EYS: variants seen among roughly 807,000 people sequenced by gnomAD.
The protein encoded by EYS is EGF-like photoreceptor maintenance factor.
Under a neutral mutation model 282.1 loss-of-function variants are expected in EYS, and 250 were observed. The ratio of observed to expected loss-of-function variants is 0.89; its 90% CI spans 0.80 to 0.98. EYS has a LOEUF of 0.98. EYS is among the 50% of genes least tolerant of loss of function. EYS has a pLI of 0.00. For synonymous variants in EYS, 1,355 were observed against 1,282.9 expected, an observed-to-expected ratio of 1.06 and a Z score of -1.20; for missense variants, 4,016 against 3,709.0, an observed-to-expected ratio of 1.08 and a Z score of -2.15.
chr6:64,558,783 G>A (rs939014276), intron 26 of EYS, among the ~76,000 whole-genome samples: 2 of 152,120 alleles, frequency 1.3e-5, no homozygotes, highest in African/African-American at 2.4e-5. Context: ...AAAATTTGCT[G>A]TTAGTATGTT....
In EYS at chr6:64,181,699, A is replaced by G. The variant is rs115668449; in HGVS notation, c.6424+48893T>C. On this transcript the variant is annotated intron_variant, in intron 31 of 42. Coordinates refer to ENST00000503581, the MANE Select transcript of EYS (RefSeq NM_001142800.2). Reference sequence around the variant, plus strand: ...AATGGTAGCATCCCAGTCCACTAAAAAACGTGTTTTTTATCTCAAAAATGC... The same window carrying G: ...AATGGTAGCATCCCAGTCCACTAAAGAACGTGTTTTTTATCTCAAAAATGC... Among the ~76,000 whole-genome samples the G allele has an allele frequency of 4.8e-3, 727 of 152,198 alleles. 3 individuals carry two copies. The highest frequency in any genetic ancestry group is 0.017 in the African/African-American group (701 of 41,554).
At chr6:64,037,226 C>G (rs570730619) in intron 33 of EYS, among the ~76,000 whole-genome samples, 66 of 152,250 alleles carry the variant, frequency 4.3e-4, no homozygotes, top group African/African-American at 1.4e-3. Flanking sequence ...GGGAAGTAGA[C>G]TGTGGAAAAC....
Position 64,318,251 on chromosome 6 carries a change from G to A in EYS, c.6079-11169C>T, listed in dbSNP as rs546902441. Among the ~76,000 whole-genome samples, 8 of 151,930 alleles carry A rather than the reference G, an allele frequency of 5.3e-5. No individual in the cohort carries two copies. In the South Asian group the frequency reaches 1.5e-3, roughly 28 times the overall value. On this transcript the variant is annotated intron_variant, in intron 29 of 42. Transcript: ENST00000503581. ...ACATTTCTAAATATATCTTCAATAT[G>A]TTACCTTTTATTCTACCTCCATATT...
chr6:64,586,819 C>T (rs1191649460), intron 26 of EYS, among the ~76,000 whole-genome samples: 3 of 151,942 alleles, frequency 2.0e-5, no homozygotes, highest in Non-Finnish European at 4.4e-5. Context: ...CTCTATTTTT[C>T]CTATCCATTG....
rs1407959081 is a variant in EYS, at chr6:63,753,872, C to T, written c.8071+8589G>A. ...TATGCAAGTCCACCCTTCCATTCCT[C>T]CTCATGCTTTTCTGAAGTGGTTCTC... On this transcript the variant is annotated intron_variant, in intron 41 of 42. Coordinates refer to ENST00000503581, the MANE Select transcript of EYS (RefSeq NM_001142800.2). Among the ~76,000 whole-genome samples the T allele has an allele frequency of 2.0e-5, 3 of 152,166 alleles. No individual in the cohort carries two copies. The East Asian group carries it at 5.8e-4, about 29-fold the overall frequency.
intron 41 of EYS, chr6:63,745,103 C>T (rs1245784124): frequency 1.2e-5 from 4 of 344,108 alleles, no homozygotes; most frequent in Non-Finnish European, 2.2e-5. Context: ...AATGATAAAG[C>T]CAGCTTTTTC....
chr6:65,332,472 T>C, intron 11 of EYS: 1 of 1,283,802 alleles, frequency 7.8e-7, no homozygotes, highest in Non-Finnish European at 1.1e-6. Flanking sequence ...GCCTAATATT[T>C]AAGTCTATGC....
intron 19 of EYS, among the ~76,000 whole-genome samples, chr6:64,849,879 A>C (rs9342437): frequency 6.6e-6 from 1 of 151,642 alleles, no homozygotes; most frequent in Admixed American, 6.6e-5. Flanking sequence ...AAAGAAAGGT[A>C]TGTGATTAGA....
intron 31 of EYS, among the ~76,000 whole-genome samples, chr6:64,140,186 C>T (rs1774296376): frequency 6.6e-6 from 1 of 152,000 alleles, no homozygotes; most frequent in Non-Finnish European, 1.5e-5. Context: ...CCTGGGGTAA[C>T]CCCCCATCTA....
chr6:65,242,158 T>C (rs1227531937), intron 12 of EYS, among the ~76,000 whole-genome samples: 4 of 152,104 alleles, frequency 2.6e-5, no homozygotes, highest in African/African-American at 4.8e-5. Context: ...TCACGAACTA[T>C]ACACTTTACC....
intron 37 of EYS, among the ~76,000 whole-genome samples, chr6:63,798,987 G>GTGTATATATATATATATA (rs1247104267): frequency 1.2e-5 from 1 of 85,792 alleles, no homozygotes. Flanking sequence ...GTATATGTGT[G>GTGTATATATATATATATA]TATATATATA....
At chr6:63,839,859 C>A (rs1771905831) in intron 36 of EYS, among the ~76,000 whole-genome samples, 1 of 152,170 alleles carries the variant, frequency 6.6e-6, no homozygotes. Flanking sequence ...AGTGTACATC[C>A]TCGCCAGCAT....
At chr6:65,465,966 GTATCAATC>G (rs1217278670) in intron 5 of EYS, among the ~76,000 whole-genome samples, 1 of 135,038 alleles carries the variant, frequency 7.4e-6, no homozygotes, top group East Asian at 2.1e-4. Flanking sequence ...GTAAGACCCT[GTATCAATC>G]AATCAATCAA....
At chr6:64,113,291 A>G (rs1007387555) in intron 31 of EYS, among the ~76,000 whole-genome samples, 14 of 152,178 alleles carry the variant, frequency 9.2e-5, no homozygotes, top group African/African-American at 3.4e-4. Context: ...CTGCAGTACT[A>G]TAACATAGGC....
At chr6:64,094,080 C>G (rs1040215876) in intron 31 of EYS, among the ~76,000 whole-genome samples, 3 of 152,138 alleles carry the variant, frequency 2.0e-5, no homozygotes, top group African/African-American at 4.8e-5. Context: ...TATGTGGAAC[C>G]AGCCTTGCAT....
intron 13 of EYS, among the ~76,000 whole-genome samples, chr6:65,024,883 A>ATGAT (rs1444159704): frequency 1.3e-5 from 2 of 152,190 alleles, no homozygotes; most frequent in African/African-American, 4.8e-5. Context: ...CATCAGTCAA[A>ATGAT]TGATTAGTTT....
intron 28 of EYS, among the ~76,000 whole-genome samples, chr6:64,419,287 T>A (rs1582729254): frequency 6.6e-6 from 1 of 152,104 alleles, no homozygotes; most frequent in African/African-American, 2.4e-5. Context: ...TTCAATTACC[T>A]CCCATGGGGT....
intron 29 of EYS, among the ~76,000 whole-genome samples, chr6:64,384,215 A>G (rs1346144509): frequency 1.3e-5 from 2 of 152,244 alleles, no homozygotes; most frequent in Non-Finnish European, 1.5e-5. Flanking sequence ...CCTGAAGTGC[A>G]TAACACTCAT....
intron 5 of EYS, among the ~76,000 whole-genome samples, chr6:65,409,668 G>T (rs1349213620): frequency 6.6e-6 from 1 of 152,072 alleles, no homozygotes; most frequent in Non-Finnish European, 1.5e-5. Flanking sequence ...ACTATATAGT[G>T]CAAGAGTTTT....
Sources: gnomAD v4.1 joint callset for allele counts (sites outside exome capture counted in the v4.1 genomes callset) on GRCh38, gnomAD v4.1.1 for gene constraint, MANE v1.5 for transcripts, NCBI Gene and HGNC (gene_info 2026-07-23, HGNC 2026-07-21) for gene names.